Variants in TADA3 observed in about 807,000 individuals in gnomAD.
TADA3 encodes transcriptional adaptor 3.
A neutral mutation model predicts 43.2 loss-of-function variants in TADA3; 25 were observed. The observed-to-expected ratio is 0.58, with a 90% confidence interval of 0.42 to 0.81. The LOEUF (loss-of-function observed/expected upper bound fraction) is 0.81. Ranked by LOEUF, TADA3 falls within the 30% of genes least tolerant of loss-of-function variation. The pLI, the probability that TADA3 is intolerant of heterozygous loss-of-function variation, is 0.00. For missense variants in TADA3, 441 were observed against 567.8 expected, an observed-to-expected ratio of 0.78 and a Z score of 2.27; for synonymous variants, 235 against 225.5, an observed-to-expected ratio of 1.04 and a Z score of -0.38.
intron 8 of TADA3, among the ~76,000 whole-genome samples, chr3:9,781,866 G>A (rs1429309341): frequency 7.8e-6 from 1 of 128,768 alleles, no homozygotes; most frequent in South Asian, 2.4e-4. Flanking sequence ...TTTGAGACAG[G>A]TCTCACTCTG....
At chr3:9,784,541 G>T (rs2078559810) in intron 7 of TADA3, among the ~76,000 whole-genome samples, 1 of 151,872 alleles carries the variant, frequency 6.6e-6, no homozygotes, top group South Asian at 2.1e-4. Context: ...ATTAGTCCAG[G>T]TTTTTTCCCT....
At chr3:9,791,957 C>G (rs2078746815) in intron 1 of TADA3, among the ~76,000 whole-genome samples, 1 of 152,182 alleles carries the variant, frequency 6.6e-6, no homozygotes, top group Non-Finnish European at 1.5e-5. Context: ...CTCTGGGACT[C>G]TTGGCCTCTT....
upstream of TADA3, chr3:9,792,624 G>A (rs1272551185): frequency 6.5e-6 from 8 of 1,231,304 alleles, no homozygotes; most frequent in South Asian, 2.8e-4. Flanking sequence ...GAGCCCCGGG[G>A]CACAGCCCGG....
At chr3:9,792,853 GGCCGAAGGC>G (rs2078775956), upstream of TADA3, 4 of 1,368,328 alleles carry the variant, frequency 2.9e-6, no homozygotes, top group Non-Finnish European at 3.8e-6. Context: ...GTGACAAGAA[GGCCGAAGGC>G]ACAAAGGGAA....
At chr3:9,786,962 AAC>A in intron 6 of TADA3, 42 bp downstream of exon 6, 1 of 1,541,476 alleles carries the variant, frequency 6.5e-7, no homozygotes. Context: ...AACACATTAA[AAC>A]ACAAAGTAAA....
chr3:9,781,078 T>C (rs1313739441), intron 8 of TADA3, among the ~76,000 whole-genome samples: 1 of 151,884 alleles, frequency 6.6e-6, no homozygotes, highest in Non-Finnish European at 1.5e-5. Context: ...TACAGTGAAC[T>C]ATGATCATGC....
At chr3:9,792,763 C>T (rs144180171), upstream of TADA3, 7 of 1,245,582 alleles carry the variant, frequency 5.6e-6, no homozygotes, top group African/African-American at 4.6e-5. Context: ...AAGGGCTCGT[C>T]CGCTTCGGCT....
intron 8 of TADA3, among the ~76,000 whole-genome samples, chr3:9,781,833 C>CTTT (rs35246642): frequency 0.011 from 938 of 86,822 alleles, 1 homozygote; most frequent in Non-Finnish European, 0.014. Context: ...CCCATTACTT[C>CTTT]TTTTTTTTTT....
chr3:9,786,099 C>T (rs949137262), intron 6 of TADA3, among the ~76,000 whole-genome samples: 4 of 152,242 alleles, frequency 2.6e-5, no homozygotes, highest in Non-Finnish European at 5.9e-5. Flanking sequence ...CCACTATGCC[C>T]GGCTAATTTT....
intron 1 of TADA3, 74 bp from the exon 2 acceptor site, chr3:9,791,567 C>T (rs936385268): frequency 2.2e-6 from 2 of 896,518 alleles, no homozygotes; most frequent in South Asian, 1.8e-5. Context: ...CCTCCAGGGA[C>T]AGCCTCAAGG....
chr3:9,789,492 A>G lies in TADA3; in HGVS notation c.564+17T>C, dbSNP rs373621595. ...CTCTTGTTCCGCATCATGTCTATCA[A>G]GGCCCAGAGTTTCTACCTTGTAATG... On this transcript the variant is annotated intron_variant, in intron 4 of 8. Transcript: ENST00000301964. The G allele has an allele frequency of 1.6e-4, 250 of 1,608,576 alleles. No individual in the cohort carries two copies. The highest frequency in any genetic ancestry group is 1.2e-3 in the Middle Eastern group (7 of 5,964).
At chr3:9,791,756 C>A (rs548323740) in intron 1 of TADA3, among the ~76,000 whole-genome samples, 1 of 152,334 alleles carries the variant, frequency 6.6e-6, no homozygotes, top group African/African-American at 2.4e-5. Context: ...GAAACTGAGA[C>A]TCTGTAAGGG....
chr3:9,791,147 T>C, intron 2 of TADA3, 113 bp downstream of exon 2: 1 of 1,059,076 alleles, frequency 9.4e-7, no homozygotes, highest in South Asian at 1.6e-5. Context: ...TCTCTCTCCC[T>C]CTCCCCACAA....
chr3:9,785,852 T>C (rs2078595121), intron 6 of TADA3, among the ~76,000 whole-genome samples: 1 of 152,080 alleles, frequency 6.6e-6, no homozygotes, highest in Non-Finnish European at 1.5e-5. Flanking sequence ...TGACAAGTTC[T>C]CTCCAGGGGA....
In TADA3 at chr3:9,784,159, C is replaced by G. The variant is rs1365927381; in HGVS notation, c.975G>C (p.Gln325His). The change falls in exon 8 of 9, where the codon CAG (glutamine) becomes CAC (histidine). Residue 325 changes from glutamine (Q) to histidine (H), a missense_variant. Transcript: ENST00000301964. ...ESRIKEELIAQGLLESEDRPA... is the reference protein window; with the variant it reads ...ESRIKEELIAHGLLESEDRPA... Reference sequence around the variant, plus strand: ...GGCGGTCCTCAGACTCCAAAAGGCCCTGGGCAATTAGCTCCTCCTTGATGC... The same window carrying G: ...GGCGGTCCTCAGACTCCAAAAGGCCGTGGGCAATTAGCTCCTCCTTGATGC... The G allele has an allele frequency of 6.2e-7, 1 of 1,613,946 alleles. No individual in the cohort carries two copies. The highest frequency in any genetic ancestry group is 2.2e-5 in the East Asian group (1 of 44,884).
rs558738366 is a variant in TADA3 at position 9,786,360 on chromosome 3, C to A, written c.810+646G>T. On this transcript the variant is annotated intron_variant, in intron 6 of 8. Coordinates refer to ENST00000301964, the MANE Select transcript of TADA3 (RefSeq NM_006354.5). ...GATATGAGATAGAGACCTGCCCCTT[C>A]CCCTACCTTAGATAACCTGCAACAT... Among the ~76,000 whole-genome samples the A allele has an allele frequency of 3.4e-4, 52 of 152,300 alleles. 1 individual carries two copies. The South Asian group carries it at 0.011, about 31-fold the overall frequency.
intron 4 of TADA3, among the ~76,000 whole-genome samples, chr3:9,788,579 A>G (rs1258982989): frequency 1.3e-5 from 2 of 148,854 alleles, no homozygotes; most frequent in Non-Finnish European, 3.0e-5. Flanking sequence ...TCCTTCTGTC[A>G]CCCAGGCTGG....
At chr3:9,781,800 A>T (rs1306469168) in intron 8 of TADA3, among the ~76,000 whole-genome samples, 1 of 145,692 alleles carries the variant, frequency 6.9e-6, no homozygotes, top group Non-Finnish European at 1.5e-5. Context: ...GTTTCCTGAG[A>T]GCTGCAAGCC....
At chr3:9,783,881 G>T in intron 8 of TADA3, 147 bp downstream of exon 8, 1 of 1,366,600 alleles carries the variant, frequency 7.3e-7, no homozygotes. Context: ...CCGGTGGACT[G>T]GCCACTGCTG....
Sources: allele counts gnomAD v4.1 joint callset (sites outside exome capture counted in the v4.1 genomes callset), GRCh38; gene constraint gnomAD v4.1.1; transcripts MANE v1.5; gene names NCBI Gene and HGNC (gene_info 2026-07-23, HGNC 2026-07-21).